ETFA: variants seen among roughly 807,000 people sequenced by gnomAD.
ETFA encodes the protein electron transfer flavoprotein subunit alpha, mitochondrial.
In ETFA, 22 loss-of-function variants were observed where a neutral mutation model predicts 46.2. The ratio of observed to expected loss-of-function variants is 0.48; its 90% CI spans 0.34 to 0.68. The LOEUF is 0.68. ETFA is among the 30% of genes least tolerant of loss of function. The pLI, the probability that ETFA is intolerant of heterozygous loss-of-function variation, is 0.01. For missense variants in ETFA, 345 were observed against 401.1 expected (o/e 0.86, Z 1.19); for synonymous variants, 131 against 139.9 (o/e 0.94, Z 0.45).
chr15:76,269,357 T>C (rs1360185858), intron 9 of ETFA, among the ~76,000 whole-genome samples: 2 of 152,200 alleles, frequency 1.3e-5, no homozygotes, highest in Non-Finnish European at 1.5e-5. Flanking sequence ...CTTTGGAACA[T>C]GTCTAAACTT....
intron 9 of ETFA, among the ~76,000 whole-genome samples, chr15:76,243,820 C>CAA (rs150900759): frequency 6.8e-5 from 8 of 117,768 alleles, no homozygotes; most frequent in Non-Finnish European, 1.5e-4. Flanking sequence ...AACAAACAAA[C>CAA]AAAAAAAAAA....
At chr15:76,231,208 T>C in intron 10 of ETFA, 125 bp downstream of exon 10, 2 of 738,114 alleles carry the variant, frequency 2.7e-6, no homozygotes, top group Non-Finnish European at 5.0e-6. Context: ...TTTCTTTCAG[T>C]TCCCAGATCT....
At chr15:76,223,011 T>C (rs141885597) in intron 11 of ETFA, among the ~76,000 whole-genome samples, 1 of 151,978 alleles carries the variant, frequency 6.6e-6, no homozygotes, top group African/African-American at 2.4e-5. Context: ...ATTTTTGTAT[T>C]TTTTGTAGAG....
In ETFA at chr15:76,268,976, C is replaced by T. The variant is rs180739398; in HGVS notation, c.816+5436G>A. ...AACTAAAATAGCAGGTTTTTGAAGC[C>T]TCTCAGGCTCACTTGAACCTGCTCC... On this transcript the variant is annotated intron_variant, in intron 9 of 11. Coordinates refer to ENST00000557943, the MANE Select transcript of ETFA (RefSeq NM_000126.4). 1.8e-4 allele frequency among the ~76,000 whole-genome samples: 28 copies of T among 152,340 alleles called. No homozygotes were observed. The East Asian group carries it at 2.9e-3, about 16-fold the overall frequency.
At chr15:76,240,006 G>C (rs1051002018) in intron 9 of ETFA, among the ~76,000 whole-genome samples, 7 of 152,158 alleles carry the variant, frequency 4.6e-5, no homozygotes, top group Admixed American at 1.3e-4. Context: ...GCCCTTCAAG[G>C]AGACTGACTC....
At chr15:76,219,413 G>C (rs1185497409) in intron 11 of ETFA, among the ~76,000 whole-genome samples, 1 of 151,966 alleles carries the variant, frequency 6.6e-6, no homozygotes, top group African/African-American at 2.4e-5. Flanking sequence ...CCCAATATTT[G>C]GCAATGGATT....
At chr15:76,272,813 C>CATACATATATATATAT (rs1555457981) in intron 9 of ETFA, among the ~76,000 whole-genome samples, 1 of 137,558 alleles carries the variant, frequency 7.3e-6, no homozygotes, top group African/African-American at 2.9e-5. Context: ...AAAATATATA[C>CATACATATATATATAT]ATATATATAT....
At chr15:76,245,532 CAA>C (rs1233897523) in intron 9 of ETFA, among the ~76,000 whole-genome samples, 1 of 152,150 alleles carries the variant, frequency 6.6e-6, no homozygotes, top group African/African-American at 2.4e-5. Flanking sequence ...AGTGAATTTT[CAA>C]AAGAGAACCC....
intron 2 of ETFA, 38 bp downstream of exon 2, chr15:76,295,553 G>A: frequency 6.4e-7 from 1 of 1,566,382 alleles, no homozygotes; most frequent in Non-Finnish European, 8.8e-7. Flanking sequence ...TCTTGATGGA[G>A]ATAATATTTG....
At chr15:76,259,280 C>A in intron 9 of ETFA, 1 of 1,574,410 alleles carries the variant, frequency 6.4e-7, no homozygotes, top group Non-Finnish European at 8.7e-7. Context: ...ATAGCACAGA[C>A]AGCTGGCCCA....
chr15:76,259,596 T>G, intron 9 of ETFA: 1 of 1,037,294 alleles, frequency 9.6e-7, no homozygotes, highest in Admixed American at 1.7e-5. Flanking sequence ...AGTATACAGG[T>G]TGTCAGCCAG....
intron 9 of ETFA, chr15:76,259,007 T>C: frequency 1.9e-6 from 3 of 1,606,904 alleles, no homozygotes; most frequent in Non-Finnish European, 2.6e-6. Context: ...TGTGTGGCAG[T>C]AGCCCTTGCT....
At chr15:76,264,218 T>C (rs1267604934) in intron 9 of ETFA, among the ~76,000 whole-genome samples, 1 of 152,238 alleles carries the variant, frequency 6.6e-6, no homozygotes, top group Non-Finnish European at 1.5e-5. Flanking sequence ...AATAGGTTAA[T>C]ACCATATGAT....
intron 9 of ETFA, 55 bp downstream of exon 9, chr15:76,274,357 A>G (rs1338900975): frequency 1.5e-6 from 2 of 1,309,102 alleles, no homozygotes; most frequent in Non-Finnish European, 1.1e-6. Flanking sequence ...CAACAAATAC[A>G]TACAGTACTT....
chr15:76,290,130 C>T (rs1406810253), intron 4 of ETFA, among the ~76,000 whole-genome samples: 1 of 152,140 alleles, frequency 6.6e-6, no homozygotes, highest in Non-Finnish European at 1.5e-5. Context: ...AACTACATAG[C>T]ATTTGACTCA....
At chr15:76,262,851 A>G (rs1166717013) in intron 9 of ETFA, among the ~76,000 whole-genome samples, 1 of 152,188 alleles carries the variant, frequency 6.6e-6, no homozygotes, top group Non-Finnish European at 1.5e-5. Flanking sequence ...AAACATACAA[A>G]GGAACAATAC....
intron 9 of ETFA, among the ~76,000 whole-genome samples, chr15:76,247,318 C>A (rs2039252275): frequency 6.6e-6 from 1 of 152,184 alleles, no homozygotes; most frequent in Non-Finnish European, 1.5e-5. Context: ...AGGACCATAT[C>A]TTATGCTCAC....
rs530307782 is a variant in ETFA, at chr15:76,302,348, T to C, written c.40-6611A>G. ...ATTCAGCAGTAACAAGAAATGAGAA[T>C]GACATGGAGGAACCTTGAATGCATA... On this transcript the variant is annotated intron_variant, in intron 1 of 11. Transcript: ENST00000557943. Among the ~76,000 whole-genome samples the C allele has an allele frequency of 3.3e-5, 5 of 150,210 alleles. No individual in the cohort carries two copies. The South Asian group carries it at 8.5e-4, about 26-fold the overall frequency.
intron 9 of ETFA, among the ~76,000 whole-genome samples, chr15:76,233,486 C>T (rs1179280633): frequency 6.6e-6 from 1 of 152,020 alleles, no homozygotes; most frequent in Non-Finnish European, 1.5e-5. Context: ...TATGCCACCC[C>T]ACCCAGCTAA....
Sources: gnomAD v4.1 joint callset for allele counts (sites outside exome capture counted in the v4.1 genomes callset) on GRCh38, gnomAD v4.1.1 for gene constraint, MANE v1.5 for transcripts, NCBI Gene and HGNC (gene_info 2026-07-23, HGNC 2026-07-21) for gene names.